The following HECW1 variants were observed in gnomAD, a reference collection of about 807,000 sequenced individuals.
The protein encoded by HECW1 is HECT, C2 and WW domain containing E3 ubiquitin protein ligase 1.
Under a neutral mutation model 182.3 loss-of-function variants are expected in HECW1, and 61 were observed. That is an observed-to-expected ratio of 0.33 (90% CI 0.27 to 0.41). The LOEUF is 0.41. Among genes scored for constraint, HECW1 ranks in the 10% least tolerant of loss-of-function variants. The probability of loss-of-function intolerance (pLI) is 1.00; values close to 1 mark genes in which losing one functional copy is unlikely to be tolerated. For synonymous variants in HECW1, 859 were observed against 832.6 expected (o/e 1.03, Z -0.55); for missense variants, 1,739 against 2,108.9 (o/e 0.82, Z 3.44).
At chr7:43,372,932 C>T (rs2074169122) in intron 6 of HECW1, among the ~76,000 whole-genome samples, 1 of 152,066 alleles carries the variant, frequency 6.6e-6, no homozygotes, top group Non-Finnish European at 1.5e-5. Flanking sequence ...ACCCATCAAC[C>T]CCACAGCCAT....
intron 2 of HECW1, among the ~76,000 whole-genome samples, chr7:43,210,546 C>T (rs969918081): frequency 2.0e-5 from 3 of 151,914 alleles, no homozygotes; most frequent in African/African-American, 4.8e-5. Context: ...AAGATGGCTG[C>T]AAGCCTCGTG....
intron 2 of HECW1, among the ~76,000 whole-genome samples, chr7:43,178,592 T>C (rs1429752968): frequency 2.0e-5 from 3 of 152,222 alleles, no homozygotes; most frequent in Non-Finnish European, 4.4e-5. Context: ...TCAATGCTTA[T>C]TAGGCACTGG....
chr7:43,199,977 A>C (rs1794880974), intron 2 of HECW1, among the ~76,000 whole-genome samples: 1 of 152,240 alleles, frequency 6.6e-6, no homozygotes, highest in Non-Finnish European at 1.5e-5. Flanking sequence ...TCTGTGAATA[A>C]GTACATAGGA....
At chr7:43,142,290 A>T (rs1246029053) in intron 2 of HECW1, among the ~76,000 whole-genome samples, 2 of 152,220 alleles carry the variant, frequency 1.3e-5, no homozygotes, top group African/African-American at 2.4e-5. Flanking sequence ...GATATTGCCT[A>T]AAATCAGCAC....
chr7:43,554,175 G>T (rs1017597121), intron 28 of HECW1, among the ~76,000 whole-genome samples: 2 of 152,198 alleles, frequency 1.3e-5, no homozygotes, highest in Admixed American at 1.3e-4. Flanking sequence ...AGACTCTCCC[G>T]TGGTATGTGG....
At chr7:43,205,877 G>A (rs1795425651) in intron 2 of HECW1, among the ~76,000 whole-genome samples, 1 of 152,124 alleles carries the variant, frequency 6.6e-6, no homozygotes, top group Admixed American at 6.5e-5. Flanking sequence ...CACAGTGCAG[G>A]CGGCTGGGGG....
intron 17 of HECW1, among the ~76,000 whole-genome samples, chr7:43,481,733 C>T (rs953899259): frequency 6.6e-6 from 1 of 151,892 alleles, no homozygotes; most frequent in African/African-American, 2.4e-5. Context: ...ACCTGTAATC[C>T]CAGCACTTTA....
Position 43,135,979 on chromosome 7 carries a change from CT to C in HECW1, c.-32+21602del, listed in dbSNP as rs34511113. Among the ~76,000 whole-genome samples, 260 of 143,506 alleles carry C rather than the reference CT, an allele frequency of 1.8e-3. 1 individual carries two copies. Among genetic ancestry groups the C allele is most frequent in the South Asian group, 2.6e-3 (12 of 4,530 alleles). 94.1% of individuals were successfully genotyped at this position (143,506 alleles called of 152,430 possible). A position where few individuals can be genotyped will look rare whatever the true frequency, so the allele number is the denominator to read the frequency against. The stretch of plus-strand genomic sequence containing the variant: ...GGATGCAAAATAGATACCATTTACA[CT>C]TTTTTTTTTTTTTACTATTTGCTGA... On this transcript the variant is annotated intron_variant, in intron 2 of 29. Coordinates refer to ENST00000395891, the MANE Select transcript of HECW1 (RefSeq NM_015052.5).
intron 2 of HECW1, among the ~76,000 whole-genome samples, chr7:43,213,837 T>C (rs111803044): frequency 4.6e-5 from 7 of 152,222 alleles, no homozygotes; most frequent in African/African-American, 1.7e-4. Flanking sequence ...ACATCATAAA[T>C]AGCTATAGCA....
At chr7:43,274,131 G>A (rs1414942470) in intron 3 of HECW1, 14 of 399,802 alleles carry the variant, frequency 3.5e-5, no homozygotes, top group East Asian at 3.7e-5. Context: ...AGAAAAGCGC[G>A]GGTGGCGGCA....
At chr7:43,237,140 A>AGTAGGAAGGTAGGTAG (rs1449363522) in intron 2 of HECW1, among the ~76,000 whole-genome samples, 1 of 133,854 alleles carries the variant, frequency 7.5e-6, no homozygotes, top group Non-Finnish European at 1.6e-5. Context: ...GAAGGAAGGA[A>AGTAGGAAGGTAGGTAG]GTAGGTAGGT....
intron 3 of HECW1, among the ~76,000 whole-genome samples, chr7:43,253,951 C>T (rs1584195093): frequency 6.6e-6 from 1 of 151,924 alleles, no homozygotes; most frequent in Non-Finnish European, 1.5e-5. Flanking sequence ...CACATGAATA[C>T]ATTCATTTTA....
At chr7:43,195,201 A>C (rs1794329538) in intron 2 of HECW1, among the ~76,000 whole-genome samples, 1 of 152,228 alleles carries the variant, frequency 6.6e-6, no homozygotes, top group South Asian at 2.1e-4. Context: ...ATTTCCCAAG[A>C]AAAAAGAAAG....
intron 11 of HECW1, among the ~76,000 whole-genome samples, chr7:43,449,688 A>C (rs1022261107): frequency 6.6e-6 from 1 of 152,238 alleles, no homozygotes; most frequent in African/African-American, 2.4e-5. Flanking sequence ...TGCTATTTGC[A>C]TCAGCAGAGG....
chr7:43,386,756 G>A (rs1394399819), intron 6 of HECW1, among the ~76,000 whole-genome samples: 3 of 152,256 alleles, frequency 2.0e-5, no homozygotes, highest in Non-Finnish European at 4.4e-5. Context: ...AGATGAGGGA[G>A]GAATGTGTCC....
intron 3 of HECW1, among the ~76,000 whole-genome samples, chr7:43,278,586 C>T (rs1803483765): frequency 6.6e-6 from 1 of 152,168 alleles, no homozygotes. Flanking sequence ...GCCTCCGAGG[C>T]TCTATGTGAT....
chr7:43,544,863 G>GA (rs2081495801), intron 26 of HECW1, among the ~76,000 whole-genome samples: 1 of 152,026 alleles, frequency 6.6e-6, no homozygotes, highest in East Asian at 1.9e-4. Context: ...AATAAAGAAA[G>GA]AAAAACACAG....
intron 6 of HECW1, among the ~76,000 whole-genome samples, chr7:43,361,942 G>A (rs10274988): frequency 7.0e-6 from 1 of 143,066 alleles, no homozygotes; most frequent in African/African-American, 2.6e-5. Flanking sequence ...AGGAGTTTAA[G>A]ACCAGCCTGG....
intron 3 of HECW1, among the ~76,000 whole-genome samples, chr7:43,254,403 A>G (rs1800350320): frequency 6.6e-6 from 1 of 152,200 alleles, no homozygotes; most frequent in Non-Finnish European, 1.5e-5. Flanking sequence ...TTTTTCATGA[A>G]TTCGTTCAGG....
Sources: allele counts gnomAD v4.1 joint callset (sites outside exome capture counted in the v4.1 genomes callset), GRCh38; gene constraint gnomAD v4.1.1; transcripts MANE v1.5; gene names NCBI Gene and HGNC (gene_info 2026-07-23, HGNC 2026-07-21).